The following CSF2RA variants were observed in gnomAD, a reference collection of about 807,000 sequenced individuals.
CSF2RA encodes the protein granulocyte-macrophage colony-stimulating factor receptor subunit alpha.
In CSF2RA, 42 loss-of-function variants were observed where a neutral mutation model predicts 51.6. That is an observed-to-expected ratio of 0.81 (90% confidence interval 0.64 to 1.05). CSF2RA has a LOEUF of 1.05. CSF2RA is among the 50% of genes least tolerant of loss of function. The probability of loss-of-function intolerance (pLI) is 0.00; values close to 1 mark genes in which losing one functional copy is unlikely to be tolerated. For missense variants in CSF2RA, 530 were observed against 501.1 expected, an observed-to-expected ratio of 1.06 and a Z score of -0.55; for synonymous variants, 222 against 193.0, an observed-to-expected ratio of 1.15 and a Z score of -1.24.
At chrX:1,309,258 T>G in intron 12 of CSF2RA, 144 bp from the exon 13 acceptor site, 2 of 820,476 alleles carry the variant, frequency 2.4e-6, no homozygotes. Flanking sequence ...GAGGTTGCAG[T>G]GAGCTGAGAT....
the CSF2RA span, among the ~76,000 whole-genome samples, chrX:1,320,469 C>T: frequency 6.7e-6 from 1 of 149,606 alleles, no homozygotes; most frequent in Non-Finnish European, 1.5e-5. Flanking sequence ...TCAAATGCCT[C>T]AGTTCAGAAG....
chrX:1,271,839 G>C lies in CSF2RA; in HGVS notation c.-90-2916G>C, dbSNP rs1274663872. Among the ~76,000 whole-genome samples, 5 of 152,122 alleles carry C rather than the reference G, an allele frequency of 3.3e-5. No individual in the cohort carries two copies. The East Asian group carries it at 7.7e-4, about 24-fold the overall frequency. Reference sequence around the variant, plus strand: ...GCCGGATTTCACTCTTTAGATTTTTGGTTTAAACTCGAGAAGCTCTTCTCG... The same window carrying C: ...GCCGGATTTCACTCTTTAGATTTTTCGTTTAAACTCGAGAAGCTCTTCTCG... On this transcript the variant is annotated intron_variant, in intron 1 of 12. Transcript: ENST00000381529.
the CSF2RA span, among the ~76,000 whole-genome samples, chrX:1,320,664 A>AT: frequency 0.036 from 4,430 of 123,294 alleles, 120 homozygotes; most frequent in African/African-American, 0.064. Flanking sequence ...TGCCCAGCTA[A>AT]TTTTTTTTTT....
In CSF2RA at chrX:1,300,514, A is replaced by T. The variant is rs778181682; in HGVS notation, c.834A>T (p.Glu278Asp). Residue 278 changes from glutamate to aspartate, a missense_variant, in exon 10 of 13, where the codon GAA (glutamate) becomes GAT (aspartate). Glu to Asp is a conservative substitution (Grantham distance 45, BLOSUM62 2). Coordinates refer to ENST00000381529, the MANE Select transcript of CSF2RA (RefSeq NM_172245.4). ...AGATTAATGTTTCTGGTGATTTGGA[A>T]AATAGATACAACTTTCCAAGCTCTG... Reference protein sequence around the residue: ...NLLINVSGDLENRYNFPSSEP... With the variant: ...NLLINVSGDLDNRYNFPSSEP... The T allele has an allele frequency of 2.7e-5, 43 of 1,613,996 alleles. 1 individual carries two copies. The South Asian group carries it at 4.7e-4, about 18-fold the overall frequency.
chrX:1,280,807 T>G (rs1465571597), intron 2 of CSF2RA, among the ~76,000 whole-genome samples: 2 of 148,436 alleles, frequency 1.3e-5, no homozygotes, highest in African/African-American at 5.0e-5. Context: ...GATCCACCAT[T>G]TGTAGAATCA....
intron 7 of CSF2RA, among the ~76,000 whole-genome samples, chrX:1,291,732 T>G (rs1371677837): frequency 1.3e-5 from 2 of 151,980 alleles, no homozygotes; most frequent in African/African-American, 4.8e-5. Flanking sequence ...TTGGACCCAG[T>G]GTAGACAGGA....
At chrX:1,317,482 C>T in the CSF2RA span, among the ~76,000 whole-genome samples, 3 of 147,760 alleles carry the variant, frequency 2.0e-5, no homozygotes, top group African/African-American at 7.5e-5. Context: ...AACTCCTGAC[C>T]TCAGGTGATC....
At chrX:1,318,699 CAAG>C in the CSF2RA span, among the ~76,000 whole-genome samples, 1 of 151,494 alleles carries the variant, frequency 6.6e-6, no homozygotes, top group African/African-American at 2.4e-5. Context: ...AGGCAGATCA[CAAG>C]GTCAGGAGAT....
the CSF2RA span, among the ~76,000 whole-genome samples, chrX:1,318,646 G>A: frequency 7.3e-5 from 11 of 151,402 alleles, no homozygotes; most frequent in African/African-American, 1.2e-4. Context: ...GACCGGGCGC[G>A]GTGGCTCACG....
In CSF2RA at chrX:1,285,603, G is replaced by C. The variant is rs1361637787; in HGVS notation, c.77-175G>C. ...CCAGCTACTCGGGAGGCTGAGGCAGGAGAATCATTTGAACCCGGGTGGTGG... is the reference window on the plus strand; with the variant it reads ...CCAGCTACTCGGGAGGCTGAGGCAGCAGAATCATTTGAACCCGGGTGGTGG... On this transcript the variant is annotated intron_variant, in intron 3 of 12. Transcript: ENST00000381529. The C allele has an allele frequency of 6.7e-6, 5 of 742,250 alleles. No individual in the cohort carries two copies. The Admixed American group carries it at 1.2e-4, about 18-fold the overall frequency. 46.0% of individuals were successfully genotyped at this position (742,250 alleles called of 1,614,324 possible). A position where few individuals can be genotyped will look rare whatever the true frequency, so the allele number is the denominator to read the frequency against.
chrX:1,306,875 GAGAC>G (rs1481036095), intron 12 of CSF2RA, among the ~76,000 whole-genome samples: 1 of 150,782 alleles, frequency 6.6e-6, no homozygotes, highest in Non-Finnish European at 1.5e-5. Flanking sequence ...GAGAGAGAGA[GAGAC>G]AGAAAGAGAC....
intron 1 of CSF2RA, among the ~76,000 whole-genome samples, chrX:1,273,588 C>T (rs1214003623): frequency 6.6e-6 from 1 of 151,662 alleles, no homozygotes; most frequent in African/African-American, 2.4e-5. Context: ...CTCGGCCTCC[C>T]AAAGTGCTGG....
the CSF2RA span, among the ~76,000 whole-genome samples, chrX:1,324,429 AAGAG>A: frequency 3.6e-5 from 4 of 111,748 alleles, no homozygotes; most frequent in South Asian, 2.9e-4. Flanking sequence ...AAAAAGAAAG[AAGAG>A]AGAGAGAAAA....
chrX:1,291,355 C>T (rs1197579720), intron 7 of CSF2RA, among the ~76,000 whole-genome samples: 3 of 148,258 alleles, frequency 2.0e-5, no homozygotes, highest in East Asian at 2.0e-4. Context: ...TCTTCCTTCC[C>T]TCCCTCCCTC....
At chrX:1,270,642 T>C (rs28683500) in intron 1 of CSF2RA, among the ~76,000 whole-genome samples, 28,734 of 151,638 alleles carry the variant, frequency 0.19, 3,181 homozygotes, top group East Asian at 0.3. Context: ...CAGTCCTCGG[T>C]CTGTTTAGTA....
chrX:1,313,741 C>T (rs1312176696), downstream of CSF2RA, among the ~76,000 whole-genome samples: 1 of 151,752 alleles, frequency 6.6e-6, no homozygotes, highest in African/African-American at 2.4e-5. Context: ...GTAATCCCAG[C>T]ACTTTGGGAG....
intron 12 of CSF2RA, among the ~76,000 whole-genome samples, chrX:1,306,881 G>A (rs776129428): frequency 2.7e-5 from 4 of 149,848 alleles, no homozygotes; most frequent in Non-Finnish European, 6.0e-5. Context: ...GAGAGAGACA[G>A]AAAGAGACAG....
At chrX:1,315,770 AATAGATAGATAGATAGATAGATAG>A in the CSF2RA span, among the ~76,000 whole-genome samples, 124 of 124,572 alleles carry the variant, frequency 1.0e-3, no homozygotes, top group African/African-American at 3.4e-3. Flanking sequence ...TAAAATAGAT[AATAGATAGATAGATAGATAGATAG>A]ATAGATAGAT....
Position 1,309,627 on chromosome X carries a change from C to A in CSF2RA, c.*148C>A. 6.3e-7 allele frequency: 1 copy of A among 1,597,274 alleles called. No homozygotes were observed. The highest frequency in any genetic ancestry group is 8.6e-7 in the Non-Finnish European group (1 of 1,165,074). On this transcript the variant is annotated 3_prime_UTR_variant, in exon 13 of 13. Coordinates refer to ENST00000381529, the MANE Select transcript of CSF2RA (RefSeq NM_172245.4). ...TGGGGCCAGGCGCGGTGGCTCACGC[C>A]TGTAATCCCAGCACTTTGGGAGGCC... is the stretch of plus-strand genomic sequence containing the variant.
Sources: allele counts gnomAD v4.1 joint callset (sites outside exome capture counted in the v4.1 genomes callset), GRCh38; gene constraint gnomAD v4.1.1; transcripts MANE v1.5; gene names NCBI Gene and HGNC (gene_info 2026-07-23, HGNC 2026-07-21).